Variants in PSD3 observed in about 807,000 individuals in gnomAD.
PSD3 encodes pleckstrin and Sec7 domain containing 3, also known as PH and SEC7 domain-containing protein 3.
In PSD3, 49 loss-of-function variants were observed where a neutral mutation model predicts 105.5. The ratio of observed to expected loss-of-function variants is 0.46; its 90% CI spans 0.37 to 0.59. PSD3 has a LOEUF of 0.59. Among genes scored for constraint, PSD3 ranks in the 20% least tolerant of loss-of-function variants. PSD3 has a pLI of 0.00. For synonymous variants in PSD3, 557 were observed against 457.8 expected (o/e 1.22, Z -2.77); for missense variants, 1,561 against 1,263.8 (o/e 1.24, Z -3.57).
chr8:18,568,450 G>T (rs538940548), intron 14 of PSD3, among the ~76,000 whole-genome samples: 2 of 151,796 alleles, frequency 1.3e-5, no homozygotes, highest in African/African-American at 4.8e-5. Flanking sequence ...AGAAGCAAGG[G>T]GGGAAATCAA....
intron 9 of PSD3, among the ~76,000 whole-genome samples, chr8:18,760,249 T>C (rs1016643787): frequency 5.3e-5 from 8 of 152,202 alleles, no homozygotes; most frequent in East Asian, 1.9e-4. Flanking sequence ...TCACCTCACA[T>C]ACTGTTTTGT....
intron 1 of PSD3, among the ~76,000 whole-genome samples, chr8:19,008,974 C>T (rs569607715): frequency 2.0e-5 from 3 of 152,212 alleles, no homozygotes; most frequent in Non-Finnish European, 4.4e-5. Context: ...ATCTAGATCA[C>T]TTCTCTGAGG....
intron 4 of PSD3, among the ~76,000 whole-genome samples, chr8:18,844,812 C>G (rs149625152): frequency 0.021 from 3,144 of 152,262 alleles, 40 homozygotes; most frequent in Non-Finnish European, 0.033. Flanking sequence ...AATCGTACAG[C>G]CAAATTCCAG....
chr8:18,992,911 T>C (rs908053653), intron 1 of PSD3, among the ~76,000 whole-genome samples: 3 of 152,112 alleles, frequency 2.0e-5, no homozygotes, highest in Admixed American at 6.6e-5. Context: ...TCCAACTTAA[T>C]TGACAAAACA....
intron 8 of PSD3, among the ~76,000 whole-genome samples, chr8:18,783,508 T>C (rs1241617099): frequency 6.6e-6 from 1 of 152,246 alleles, no homozygotes; most frequent in Non-Finnish European, 1.5e-5. Context: ...TTTGCTTTTG[T>C]TTCTTTCATT....
intron 11 of PSD3, among the ~76,000 whole-genome samples, chr8:18,604,585 T>C (rs1804675999): frequency 1.3e-5 from 2 of 151,792 alleles, no homozygotes; most frequent in Admixed American, 6.6e-5. Flanking sequence ...TCAAACAGAC[T>C]GCAGAAATTT....
chr8:18,605,106 T>C (rs1804721391), intron 11 of PSD3, among the ~76,000 whole-genome samples: 1 of 152,080 alleles, frequency 6.6e-6, no homozygotes, highest in African/African-American at 2.4e-5. Context: ...AGGGCCATTG[T>C]CCTCCAGACC....
At chr8:18,767,704 G>A (rs937800476) in intron 8 of PSD3, among the ~76,000 whole-genome samples, 8 of 152,022 alleles carry the variant, frequency 5.3e-5, no homozygotes, top group African/African-American at 1.9e-4. Flanking sequence ...CAGAGATCGT[G>A]CCACTGCACT....
intron 1 of PSD3, among the ~76,000 whole-genome samples, chr8:19,081,780 T>C (rs1829654172): frequency 6.6e-6 from 1 of 152,324 alleles, no homozygotes; most frequent in South Asian, 2.1e-4. Flanking sequence ...TTCAGCCATT[T>C]TGAATCCTGC....
At chr8:18,709,862 T>C (rs1658675947) in intron 9 of PSD3, among the ~76,000 whole-genome samples, 1 of 151,898 alleles carries the variant, frequency 6.6e-6, no homozygotes, top group Non-Finnish European at 1.5e-5. Flanking sequence ...AGATCCAAGG[T>C]AAATAAGCTC....
chr8:18,655,517 C>A, intron 10 of PSD3, 125 bp downstream of exon 10: 2 of 898,068 alleles, frequency 2.2e-6, no homozygotes, highest in Non-Finnish European at 3.6e-6. Flanking sequence ...AGGTAAGACA[C>A]TTGGTGTAAA....
At chr8:18,876,750 G>C (rs909505211) in intron 2 of PSD3, among the ~76,000 whole-genome samples, 9 of 152,082 alleles carry the variant, frequency 5.9e-5, no homozygotes, top group African/African-American at 2.2e-4. Flanking sequence ...GAAATTTCTG[G>C]ATCATATAGT....
At chr8:18,705,467 G>A (rs911803968) in intron 9 of PSD3, among the ~76,000 whole-genome samples, 2 of 145,916 alleles carry the variant, frequency 1.4e-5, no homozygotes, top group African/African-American at 5.2e-5. Flanking sequence ...GGAGGCAGAG[G>A]TTACAGTGAG....
intron 2 of PSD3, among the ~76,000 whole-genome samples, chr8:18,902,278 G>T (rs946381086): frequency 3.9e-5 from 6 of 152,088 alleles, no homozygotes; most frequent in Non-Finnish European, 5.9e-5. Flanking sequence ...TCTATTGAAG[G>T]TCTCTGCTGT....
At chr8:18,998,390 T>C (rs555572800) in intron 1 of PSD3, among the ~76,000 whole-genome samples, 37 of 152,074 alleles carry the variant, frequency 2.4e-4, no homozygotes, top group African/African-American at 8.7e-4. Context: ...AGAGCTCATT[T>C]AAAAGATGGG....
At chr8:18,772,877 G>A (rs1473656844) in intron 8 of PSD3, among the ~76,000 whole-genome samples, 1 of 152,106 alleles carries the variant, frequency 6.6e-6, no homozygotes, top group African/African-American at 2.4e-5. Flanking sequence ...TTTAAAATCA[G>A]GATATTTGAT....
In PSD3 at chr8:18,597,108, A is replaced by T. The variant is rs573577492; in HGVS notation, c.2481+3256T>A. On this transcript the variant is annotated intron_variant, in intron 12 of 15. Transcript: ENST00000327040. ...CTGAATTCAACAGTACATTAAAAGG[A>T]TCTACAACTATCTGATCTTTGACAA... Among the ~76,000 whole-genome samples, 2 of 39,716 alleles carry T rather than the reference A, an allele frequency of 5.0e-5. 1 individual carries two copies. The highest frequency in any genetic ancestry group is 1.5e-4 in the Non-Finnish European group (2 of 13,082). 26.1% of individuals were successfully genotyped at this position (39,716 alleles called of 152,430 possible). A position where few individuals can be genotyped will look rare whatever the true frequency, so the allele number is the denominator to read the frequency against.
At chr8:18,979,337 C>G (rs1398153628) in intron 1 of PSD3, among the ~76,000 whole-genome samples, 1 of 152,140 alleles carries the variant, frequency 6.6e-6, no homozygotes, top group East Asian at 1.9e-4. Context: ...TATGTAATTT[C>G]TTTCTATTCA....
At chr8:18,919,950 T>G (rs1469615631) in intron 2 of PSD3, among the ~76,000 whole-genome samples, 1 of 149,184 alleles carries the variant, frequency 6.7e-6, no homozygotes, top group Non-Finnish European at 1.5e-5. Context: ...TGTATACATG[T>G]GTAACTAACC....
Sources: gnomAD v4.1 joint callset for allele counts (sites outside exome capture counted in the v4.1 genomes callset) on GRCh38, gnomAD v4.1.1 for gene constraint, MANE v1.5 for transcripts, NCBI Gene and HGNC (gene_info 2026-07-23, HGNC 2026-07-21) for gene names.